The following BICD1 variants were observed in gnomAD, a reference collection of about 807,000 sequenced individuals.
BICD1 encodes the protein BICD cargo adaptor 1.
Under a neutral mutation model 92.5 loss-of-function variants are expected in BICD1, and 35 were observed. The observed-to-expected ratio is 0.38, with a 90% CI of 0.29 to 0.50. The LOEUF is 0.50. Among genes scored for constraint, BICD1 ranks in the 20% least tolerant of loss-of-function variants. BICD1 has a pLI of 0.93. For synonymous variants in BICD1, 429 were observed against 465.1 expected (o/e 0.92, Z 1.00); for missense variants, 950 against 1,189.8 (o/e 0.80, Z 2.97).
intron 4 of BICD1, among the ~76,000 whole-genome samples, chr12:32,315,276 T>A (rs1384322170): frequency 6.6e-6 from 1 of 152,244 alleles, no homozygotes; most frequent in Non-Finnish European, 1.5e-5. Flanking sequence ...TGGTCATAGA[T>A]GTATATATGG....
At position 32,335,638 on chromosome 12, in the gene BICD1, T is replaced by C. The variant is rs552480443; in HGVS notation, c.2252+971T>C. Among the ~76,000 whole-genome samples, 6 of 149,310 alleles carry C rather than the reference T, an allele frequency of 4.0e-5. No homozygotes were observed. The South Asian group carries it at 1.3e-3, about 32-fold the overall frequency. ...CTCTGTCACCCAGGCTGAAGTGCAGTGGCGCTATCTCGGTTCACTGCAGCC... is the reference window on the plus strand; with the variant it reads ...CTCTGTCACCCAGGCTGAAGTGCAGCGGCGCTATCTCGGTTCACTGCAGCC... On this transcript the variant is annotated intron_variant, in intron 6 of 9. Transcript: ENST00000652176.
At chr12:32,355,807 C>CAA (rs796995209) in intron 8 of BICD1, among the ~76,000 whole-genome samples, 8 of 135,948 alleles carry the variant, frequency 5.9e-5, no homozygotes, top group African/African-American at 1.9e-4. Flanking sequence ...GACTCTGTCT[C>CAA]AAAAAAAAAA....
intron 8 of BICD1, among the ~76,000 whole-genome samples, chr12:32,366,151 A>C (rs1359144973): frequency 6.6e-6 from 1 of 152,250 alleles, no homozygotes; most frequent in African/African-American, 2.4e-5. Context: ...GAAAAGCATC[A>C]GCAGTTTTTT....
intron 2 of BICD1, among the ~76,000 whole-genome samples, chr12:32,267,927 G>A (rs1947042011): frequency 6.6e-6 from 1 of 152,174 alleles, no homozygotes; most frequent in Non-Finnish European, 1.5e-5. Flanking sequence ...AGCCTCCTGA[G>A]TCACTGGGAC....
chr12:32,191,349 A>C (rs534557173), intron 1 of BICD1, among the ~76,000 whole-genome samples: 3 of 152,080 alleles, frequency 2.0e-5, no homozygotes, highest in Non-Finnish European at 2.9e-5. Context: ...GAACTCAAAT[A>C]AATGAAATTA....
Position 32,376,783 on chromosome 12 carries a change from G to A in BICD1, c.2841-757G>A, listed in dbSNP as rs760794501. On this transcript the variant is annotated intron_variant, in intron 9 of 9. Transcript: ENST00000652176. ...CTCGGGAGGCTGAGGCAGGAGAATCGCTTGAACTCGGGAGGCGGAGGCTGC... is the reference window on the plus strand; with the variant it reads ...CTCGGGAGGCTGAGGCAGGAGAATCACTTGAACTCGGGAGGCGGAGGCTGC... Among the ~76,000 whole-genome samples, 17 of 148,700 alleles carry A rather than the reference G, an allele frequency of 1.1e-4. No homozygotes were observed. The South Asian group carries it at 1.3e-3, about 11-fold the overall frequency.
At chr12:32,306,451 A>C (rs1019600748) in intron 4 of BICD1, among the ~76,000 whole-genome samples, 4 of 151,834 alleles carry the variant, frequency 2.6e-5, no homozygotes, top group Non-Finnish European at 5.9e-5. Context: ...TCACCGTATT[A>C]GCCAGGATGG....
At chr12:32,288,287 A>G (rs559998453) in intron 2 of BICD1, among the ~76,000 whole-genome samples, 5 of 134,880 alleles carry the variant, frequency 3.7e-5, no homozygotes, top group Admixed American at 3.4e-4. Flanking sequence ...GCTGGAGTGT[A>G]GTGGCATGAT....
Position 32,113,988 on chromosome 12 carries a change from C to T in BICD1, c.213+6444C>T, listed in dbSNP as rs562709722. Among the ~76,000 whole-genome samples the T allele has an allele frequency of 2.0e-3, 307 of 152,098 alleles. 1 individual carries two copies. The highest frequency in any genetic ancestry group is 6.7e-3 in the African/African-American group (278 of 41,480). The stretch of plus-strand genomic sequence containing the variant: ...CCGGGTTCAAGTGATTCTCCTGCGT[C>T]AGCCACCTGTAGATGGGATTATAGG... On this transcript the variant is annotated intron_variant, in intron 1 of 9. Coordinates refer to ENST00000652176, the MANE Select transcript of BICD1 (RefSeq NM_001714.4).
At chr12:32,348,724 ATATATATATATATAT>A (rs1565688862) in intron 8 of BICD1, among the ~76,000 whole-genome samples, 10 of 5,396 alleles carry the variant, frequency 1.9e-3, no homozygotes, top group South Asian at 0.01. Context: ...TCACACAAAA[ATATATATATATATAT>A]ATATATATAT....
At chr12:32,339,269 A>T (rs1938261266) in intron 8 of BICD1, 1 of 1,089,676 alleles carries the variant, frequency 9.2e-7, no homozygotes. Flanking sequence ...ACACACTTGG[A>T]TCCTATTTGC....
At chr12:32,340,942 T>G (rs575464704) in intron 8 of BICD1, among the ~76,000 whole-genome samples, 1 of 152,308 alleles carries the variant, frequency 6.6e-6, no homozygotes, top group African/African-American at 2.4e-5. Flanking sequence ...TGAACATCCT[T>G]ATGTTTTTTG....
chr12:32,234,636 C>G (rs1189338852), intron 2 of BICD1, among the ~76,000 whole-genome samples: 1 of 147,526 alleles, frequency 6.8e-6, no homozygotes, highest in African/African-American at 2.5e-5. Context: ...GAAAGAAAAG[C>G]AGAATTATAA....
intron 1 of BICD1, among the ~76,000 whole-genome samples, chr12:32,162,513 G>T (rs1430170140): frequency 6.6e-6 from 1 of 152,120 alleles, no homozygotes; most frequent in Non-Finnish European, 1.5e-5. Flanking sequence ...TATAAAATGG[G>T]TATCATCTTT....
intron 2 of BICD1, among the ~76,000 whole-genome samples, chr12:32,221,025 A>G (rs1306575259): frequency 2.1e-5 from 3 of 144,910 alleles, no homozygotes; most frequent in African/African-American, 5.1e-5. Context: ...ATTCTCACTC[A>G]TAGGTGGGAA....
At chr12:32,284,645 G>A (rs1344688287) in intron 2 of BICD1, among the ~76,000 whole-genome samples, 4 of 152,284 alleles carry the variant, frequency 2.6e-5, no homozygotes, top group South Asian at 4.1e-4. Flanking sequence ...TTGGCAAAAC[G>A]TAGGTCTGAT....
At chr12:32,309,691 T>C (rs945042275) in intron 4 of BICD1, among the ~76,000 whole-genome samples, 9 of 152,196 alleles carry the variant, frequency 5.9e-5, no homozygotes. Flanking sequence ...GTTGTAGGAA[T>C]AGCACTGTCC....
intron 1 of BICD1, among the ~76,000 whole-genome samples, chr12:32,166,139 T>TTTATTTA (rs1555140619): frequency 0.016 from 52 of 3,268 alleles, 1 homozygote; most frequent in South Asian, 0.075. Flanking sequence ...TATTTATTTA[T>TTTATTTA]TTATTTATTT....
At chr12:32,249,330 C>T (rs924577861) in intron 2 of BICD1, among the ~76,000 whole-genome samples, 1 of 152,154 alleles carries the variant, frequency 6.6e-6, no homozygotes, top group Non-Finnish European at 1.5e-5. Context: ...TACAACAGAA[C>T]GTGTTCTTAT....
Sources: gnomAD v4.1 joint callset for allele counts (sites outside exome capture counted in the v4.1 genomes callset) on GRCh38, gnomAD v4.1.1 for gene constraint, MANE v1.5 for transcripts, NCBI Gene and HGNC (gene_info 2026-07-23, HGNC 2026-07-21) for gene names.